UBR3: variants seen among roughly 807,000 people sequenced by gnomAD.
The protein encoded by UBR3 is ubiquitin protein ligase E3 component n-recognin 3.
In UBR3, 85 loss-of-function variants were observed where a neutral mutation model predicts 243.2. The observed-to-expected ratio is 0.35, with a 90% CI of 0.29 to 0.42. The LOEUF (loss-of-function observed/expected upper bound fraction) is 0.42, where lower values mean the gene tolerates loss of function less well. Ranked by LOEUF, UBR3 falls within the 10% of genes least tolerant of loss-of-function variation. The pLI is 1.00. For missense variants in UBR3, 1,686 were observed against 2,300.8 expected (o/e 0.73, Z 5.47); for synonymous variants, 748 against 799.8 (o/e 0.94, Z 1.09).
chr2:170,001,212 A>G, intron 26 of UBR3, 92 bp from the exon 27 acceptor site: 2 of 852,656 alleles, frequency 2.3e-6, no homozygotes, highest in Non-Finnish European at 3.6e-6. Context: ...AAAAATAGGA[A>G]ATCATGCAGA....
chr2:169,958,338 C>T (rs917589141), intron 23 of UBR3, 100 bp from the exon 24 acceptor site: 1 of 950,436 alleles, frequency 1.1e-6, no homozygotes, highest in African/African-American at 1.7e-5. Flanking sequence ...TTGTTCTCAC[C>T]TGTGTGCCAG....
At chr2:169,876,212 C>A (rs1436015340) in intron 3 of UBR3, among the ~76,000 whole-genome samples, 1 of 151,296 alleles carries the variant, frequency 6.6e-6, no homozygotes, top group Non-Finnish European at 1.5e-5. Flanking sequence ...TCCCGAGTAG[C>A]TGGGACTACA....
At chr2:169,967,847 C>T (rs1358231988) in intron 24 of UBR3, among the ~76,000 whole-genome samples, 4 of 151,600 alleles carry the variant, frequency 2.6e-5, no homozygotes, top group Admixed American at 6.6e-5. Context: ...AGAAGTAGGG[C>T]TGGAGATATG....
At chr2:169,861,361 G>A (rs996339759) in intron 1 of UBR3, among the ~76,000 whole-genome samples, 2 of 152,200 alleles carry the variant, frequency 1.3e-5, no homozygotes, top group Non-Finnish European at 2.9e-5. Flanking sequence ...CGTAATCCCA[G>A]CACTCTGGGA....
rs1341740403 is a variant in UBR3 at position 169,947,589 on chromosome 2, C to T, written c.2958C>T (p.Gly986=). ...GTTGTCATGACAGTTGGTTTCCTGG[C>T]AGTAACTTAGTGTCAAACATGCGAC... is the stretch of plus-strand genomic sequence containing the variant. ...PERCHDSWFP[G]SNLVSNMRHF... Residue 986 remains glycine (G), a synonymous_variant, in exon 22 of 39, where the codon GGC becomes GGT. Coordinates refer to ENST00000272793, the MANE Select transcript of UBR3 (RefSeq NM_172070.4). The T allele has an allele frequency of 2.0e-6, 3 of 1,525,860 alleles. No homozygotes were observed. The highest frequency in any genetic ancestry group is 1.3e-5 in the South Asian group (1 of 78,860). 94.5% of individuals were successfully genotyped at this position (1,525,860 alleles called of 1,614,324 possible).
At chr2:169,945,817 G>A (rs2086768911) in intron 20 of UBR3, among the ~76,000 whole-genome samples, 1 of 152,120 alleles carries the variant, frequency 6.6e-6, no homozygotes, top group Admixed American at 6.6e-5. Flanking sequence ...CTAACCACTT[G>A]CATTCCTTCT....
At chr2:169,868,787 C>G (rs556124551) in intron 1 of UBR3, among the ~76,000 whole-genome samples, 2 of 152,214 alleles carry the variant, frequency 1.3e-5, no homozygotes, top group Admixed American at 6.5e-5. Context: ...CAGATTCCCT[C>G]GGAAAGGAAT....
At chr2:169,863,508 T>G (rs2083157319) in intron 1 of UBR3, among the ~76,000 whole-genome samples, 1 of 152,230 alleles carries the variant, frequency 6.6e-6, no homozygotes, top group East Asian at 1.9e-4. Flanking sequence ...TTTAACCTTC[T>G]TAATCTTGCA....
intron 18 of UBR3, among the ~76,000 whole-genome samples, chr2:169,931,372 AAG>A (rs1491406856): frequency 6.7e-6 from 1 of 150,368 alleles, no homozygotes; most frequent in Non-Finnish European, 1.5e-5. Flanking sequence ...AAAAAAAAAA[AAG>A]GACGATAAAT....
At chr2:169,916,651 C>T (rs748879527) in intron 11 of UBR3, among the ~76,000 whole-genome samples, 1 of 152,060 alleles carries the variant, frequency 6.6e-6, no homozygotes, top group Non-Finnish European at 1.5e-5. Flanking sequence ...ATCTCCTTAC[C>T]CAGCTTGGAT....
chr2:169,856,323 G>T (rs1437949714), intron 1 of UBR3, among the ~76,000 whole-genome samples: 1 of 151,572 alleles, frequency 6.6e-6, no homozygotes, highest in East Asian at 1.9e-4. Context: ...ATGATGGCCG[G>T]GAAGAGGCAC....
chr2:169,951,484 C>T (rs1466725342), intron 23 of UBR3, among the ~76,000 whole-genome samples: 1 of 152,090 alleles, frequency 6.6e-6, no homozygotes, highest in Non-Finnish European at 1.5e-5. Context: ...AATGGAGAGA[C>T]AGACTGGTAA....
In UBR3 at chr2:170,007,060, C is replaced by T. The variant is rs1227409655; in HGVS notation, c.4100C>T (p.Ala1367Val). The change falls in exon 28 of 39, where the codon GCT (alanine) becomes GTT (valine). Residue 1367 changes from alanine to valine, a missense_variant. This residue lies in a region of UBR3 where 156 missense variants were observed against 246.3 expected (regional missense o/e 0.63). Transcript: ENST00000272793. Reference sequence around the variant, plus strand: ...ACGTGTCCACTCTGTAGGCAGTTTGCTAACAGTGTTCTTCCATGTTATCCT... The same window carrying T: ...ACGTGTCCACTCTGTAGGCAGTTTGTTAACAGTGTTCTTCCATGTTATCCT... ...EFTCPLCRQF[A>V]NSVLPCYPGS... is the part of the protein sequence containing the mutation. 1 of 1,613,574 alleles carries T rather than the reference C, an allele frequency of 6.2e-7. No homozygotes were observed.
intron 22 of UBR3, among the ~76,000 whole-genome samples, chr2:169,948,927 A>C (rs563496286): frequency 1.3e-5 from 2 of 151,966 alleles, no homozygotes; most frequent in Non-Finnish European, 2.9e-5. Context: ...AAAACTGTTC[A>C]AAAAACAAAT....
In UBR3 at chr2:170,028,592, ATAAT is replaced by A. The variant is rs745379952; in HGVS notation, c.4454-750_4454-747del. Among the ~76,000 whole-genome samples, 35 of 150,664 alleles carry A rather than the reference ATAAT, an allele frequency of 2.3e-4. No individual in the cohort carries two copies. In the East Asian group the frequency reaches 3.7e-3, roughly 16 times the overall value. ...TTAAATTACTATGTGTGGCAGAATA[ATAAT>A]TAAATTATTATTCTGTGTGGCAGAA... On this transcript the variant is annotated intron_variant, in intron 30 of 38. Coordinates refer to ENST00000272793, the MANE Select transcript of UBR3 (RefSeq NM_172070.4).
At chr2:170,077,478 G>A in intron 36 of UBR3, 1 of 1,424,076 alleles carries the variant, frequency 7.0e-7, no homozygotes, top group Non-Finnish European at 9.4e-7. Context: ...TGAAACGCAA[G>A]CCCATTGGCC....
rs189959632 is a variant in UBR3, at chr2:169,881,864, T to C, written c.1038+3290T>C. On this transcript the variant is annotated intron_variant, in intron 5 of 38. Coordinates refer to ENST00000272793, the MANE Select transcript of UBR3 (RefSeq NM_172070.4). Reference sequence around the variant, plus strand: ...ATGTATACATATACGTATATGTGTATATGTATACATATAGGTATATGTGTA... The same window carrying C: ...ATGTATACATATACGTATATGTGTACATGTATACATATAGGTATATGTGTA... 3.8e-3 allele frequency among the ~76,000 whole-genome samples: 508 copies of C among 133,180 alleles called. 1 individual carries two copies. The highest frequency in any genetic ancestry group is 0.01 in the East Asian group (50 of 4,854). 87.4% of individuals were successfully genotyped at this position (133,180 alleles called of 152,430 possible).
intron 19 of UBR3, among the ~76,000 whole-genome samples, chr2:169,941,850 A>G (rs2086603603): frequency 6.6e-6 from 1 of 152,194 alleles, no homozygotes; most frequent in Admixed American, 6.5e-5. Context: ...ACATCCCAGA[A>G]GAGACAGACA....
chr2:169,893,652 G>A (rs879602721), intron 6 of UBR3, among the ~76,000 whole-genome samples: 1 of 152,122 alleles, frequency 6.6e-6, no homozygotes, highest in Non-Finnish European at 1.5e-5. Flanking sequence ...TGCCTCCCAG[G>A]CTCAAGCGAT....
Sources: allele counts gnomAD v4.1 joint callset (sites outside exome capture counted in the v4.1 genomes callset), GRCh38; gene constraint gnomAD v4.1.1; regional missense constraint gnomAD v4.1.1; transcripts MANE v1.5; gene names NCBI Gene and HGNC (gene_info 2026-07-23, HGNC 2026-07-21).